STXBP6: variants seen among roughly 807,000 people sequenced by gnomAD.
The protein encoded by STXBP6 is syntaxin binding protein 6.
STXBP6 carries 21 observed loss-of-function variants against 26.9 expected under a neutral mutation model. That is an observed-to-expected ratio of 0.78 (90% CI 0.55 to 1.12). The LOEUF is 1.12. Ranked by LOEUF, STXBP6 falls within the 50% of genes most tolerant of loss-of-function variation. STXBP6 has a pLI of 0.00. For synonymous variants in STXBP6, 97 were observed against 92.6 expected (o/e 1.05, Z -0.27); for missense variants, 232 against 257.9 (o/e 0.90, Z 0.69).
intron 5 of STXBP6, chr14:24,816,716 T>C (rs2067988430): frequency 6.6e-6 from 1 of 152,118 alleles, no homozygotes; most frequent in African/African-American, 2.4e-5. Flanking sequence ...ATGGGTCCTG[T>C]TTCAAGGGCT....
In STXBP6 at chr14:24,921,593, T is replaced by C. The variant is rs1379583652; in HGVS notation, c.154+53072A>G. Among the ~76,000 whole-genome samples, 10 of 152,100 alleles carry C rather than the reference T, an allele frequency of 6.6e-5. No individual in the cohort carries two copies. In the East Asian group the frequency reaches 1.9e-3, roughly 29 times the overall value. On this transcript the variant is annotated intron_variant, in intron 2 of 5. Coordinates refer to ENST00000323944, the MANE Select transcript of STXBP6 (RefSeq NM_001394410.1). Reference sequence around the variant, plus strand: ...ATTCAAGGCTTAGAATCAACTGGCATTAAGATAACAGGAGCTCAGTTATTC... The same window carrying C: ...ATTCAAGGCTTAGAATCAACTGGCACTAAGATAACAGGAGCTCAGTTATTC...
chr14:24,832,429 A>T (rs1016029570), intron 4 of STXBP6, among the ~76,000 whole-genome samples: 14 of 152,350 alleles, frequency 9.2e-5, no homozygotes, highest in Middle Eastern at 3.4e-3. Flanking sequence ...ATGAGCGGAT[A>T]TGCTAACACA....
intron 1 of STXBP6, among the ~76,000 whole-genome samples, chr14:25,002,595 G>A (rs531205869): frequency 2.2e-4 from 34 of 151,688 alleles, no homozygotes; most frequent in African/African-American, 6.3e-4. Flanking sequence ...TCCTGACCTC[G>A]TGATCCATGT....
At chr14:24,939,359 G>A (rs2072719063) in intron 2 of STXBP6, among the ~76,000 whole-genome samples, 1 of 152,100 alleles carries the variant, frequency 6.6e-6, no homozygotes, top group Admixed American at 6.6e-5. Flanking sequence ...CAAGCTAAAG[G>A]GTAATGGGTT....
intron 1 of STXBP6, among the ~76,000 whole-genome samples, chr14:25,033,176 C>G (rs965033528): frequency 6.6e-6 from 1 of 152,204 alleles, no homozygotes; most frequent in Non-Finnish European, 1.5e-5. Flanking sequence ...CACCATCACA[C>G]AGTCATGCAA....
At chr14:24,870,962 C>T (rs917517144) in intron 2 of STXBP6, among the ~76,000 whole-genome samples, 5 of 152,298 alleles carry the variant, frequency 3.3e-5, no homozygotes, top group African/African-American at 1.2e-4. Context: ...ATGCTACATG[C>T]TCATGGCCAT....
intron 2 of STXBP6, among the ~76,000 whole-genome samples, chr14:24,870,400 A>G (rs2091726649): frequency 6.6e-6 from 1 of 152,192 alleles, no homozygotes; most frequent in Non-Finnish European, 1.5e-5. Flanking sequence ...ACATAATTAA[A>G]GTTCACTTAA....
intron 1 of STXBP6, among the ~76,000 whole-genome samples, chr14:25,001,579 T>G (rs1310928525): frequency 6.6e-6 from 1 of 152,224 alleles, no homozygotes; most frequent in East Asian, 1.9e-4. Context: ...TTTTGATTCT[T>G]TCTTAGAGTT....
In STXBP6 at chr14:24,901,144, A is replaced by ATT. The variant is rs60109955; in HGVS notation, c.155-43989_155-43988dup. ...CTTTTATTTGAACCGTATAGACAGG[A>ATT]TTTTTTTTTTCTCTGTTTTTGGCTT... On this transcript the variant is annotated intron_variant, in intron 2 of 5. Transcript: ENST00000323944. Among the ~76,000 whole-genome samples the ATT allele has an allele frequency of 2.1e-3, 319 of 150,592 alleles. 1 individual carries two copies. The highest frequency in any genetic ancestry group is 5.9e-3 in the African/African-American group (244 of 41,078).
At chr14:25,029,891 G>A (rs1413539976) in intron 1 of STXBP6, among the ~76,000 whole-genome samples, 4 of 152,126 alleles carry the variant, frequency 2.6e-5, no homozygotes, top group East Asian at 1.9e-4. Flanking sequence ...CTTTATAACA[G>A]ACACTACTTG....
At chr14:24,899,189 G>A (rs952718347) in intron 2 of STXBP6, among the ~76,000 whole-genome samples, 3 of 152,064 alleles carry the variant, frequency 2.0e-5, no homozygotes, top group Non-Finnish European at 4.4e-5. Context: ...CACCACAACC[G>A]TACATAAATT....
intron 2 of STXBP6, among the ~76,000 whole-genome samples, chr14:24,899,159 G>A (rs1360219084): frequency 1.3e-5 from 2 of 152,140 alleles, no homozygotes; most frequent in South Asian, 2.1e-4. Context: ...AATGGTGGAC[G>A]AAACCAATAT....
chr14:24,866,742 T>C (rs1286939238), intron 2 of STXBP6, among the ~76,000 whole-genome samples: 1 of 151,162 alleles, frequency 6.6e-6, no homozygotes, highest in Non-Finnish European at 1.5e-5. Flanking sequence ...ATGGTATGTC[T>C]GTCCACAGGA....
chr14:24,836,764 GAA>G (rs1168600295), intron 4 of STXBP6, among the ~76,000 whole-genome samples: 1 of 151,956 alleles, frequency 6.6e-6, no homozygotes, highest in South Asian at 2.1e-4. Context: ...AAAATGAATG[GAA>G]AAAGAGATTT....
At chr14:25,034,284 C>A (rs1411122071) in intron 1 of STXBP6, among the ~76,000 whole-genome samples, 1 of 152,170 alleles carries the variant, frequency 6.6e-6, no homozygotes, top group Non-Finnish European at 1.5e-5. Flanking sequence ...TCTGTGGAGG[C>A]CTTTCCATGA....
chr14:24,834,660 T>A (rs911194418), intron 4 of STXBP6, among the ~76,000 whole-genome samples: 2 of 152,122 alleles, frequency 1.3e-5, no homozygotes, highest in Non-Finnish European at 2.9e-5. Flanking sequence ...ATGAGAGGAA[T>A]TAAGGTACTA....
intron 1 of STXBP6, among the ~76,000 whole-genome samples, chr14:25,002,391 G>A (rs1323155962): frequency 2.9e-5 from 3 of 103,590 alleles, no homozygotes; most frequent in African/African-American, 9.4e-5. Flanking sequence ...ACACAGTCTC[G>A]CTCTGTCGCC....
At chr14:24,848,085 G>A (rs2069025186) in intron 4 of STXBP6, among the ~76,000 whole-genome samples, 1 of 152,104 alleles carries the variant, frequency 6.6e-6, no homozygotes, top group Non-Finnish European at 1.5e-5. Context: ...TCTTTCAGAA[G>A]AAAAGGCTTT....
In STXBP6 at chr14:25,049,616, C is replaced by G; in HGVS notation, c.-33+262G>C. ...TGCGGCTTGCCCAATACTGCCCGCA[C>G]AACGGGTCCCAGGGTTGGAGAGAAC... On this transcript the variant is annotated intron_variant, in intron 1 of 5. Transcript: ENST00000323944. The surrounding 1 kb of genome is among the most constrained non-coding windows in gnomAD (Gnocchi z 5.6). 1.0e-6 allele frequency: 1 copy of G among 985,452 alleles called. No homozygotes were observed. The highest frequency in any genetic ancestry group is 1.2e-6 in the Non-Finnish European group (1 of 829,946). The allele number at this position is 985,452 out of a possible 1,614,324, so 61.0% of individuals were successfully genotyped here.
Sources: gnomAD v4.1 joint callset for allele counts (sites outside exome capture counted in the v4.1 genomes callset) on GRCh38, gnomAD v4.1.1 for gene constraint, Gnocchi (gnomAD v3.1) non-coding constraint, MANE v1.5 for transcripts, NCBI Gene and HGNC (gene_info 2026-07-23, HGNC 2026-07-21) for gene names.